DENND1A: variants seen among roughly 807,000 people sequenced by gnomAD.
DENND1A encodes the protein DENN domain-containing protein 1A.
DENND1A carries 51 observed loss-of-function variants against 113.7 expected under a neutral mutation model. That is an observed-to-expected ratio of 0.45 (90% CI 0.36 to 0.57). The LOEUF is 0.57. Ranked by LOEUF, DENND1A falls within the 20% of genes least tolerant of loss-of-function variation. The probability of loss-of-function intolerance (pLI) is 0.00; values close to 1 mark genes in which losing one functional copy is unlikely to be tolerated. For missense variants in DENND1A, 1,258 were observed against 1,395.9 expected (o/e 0.90, Z 1.57); for synonymous variants, 565 against 570.8 (o/e 0.99, Z 0.14).
chr9:123,387,060 CA>C (rs1029294118), intron 22 of DENND1A, among the ~76,000 whole-genome samples: 1 of 152,228 alleles, frequency 6.6e-6, no homozygotes, highest in Non-Finnish European at 1.5e-5. Flanking sequence ...ACCGTGTTAA[CA>C]AGGGCAGACA....
intron 2 of DENND1A, among the ~76,000 whole-genome samples, chr9:123,841,487 C>T (rs896661322): frequency 2.0e-5 from 3 of 152,048 alleles, no homozygotes; most frequent in East Asian, 3.9e-4. Flanking sequence ...TCTGGTCATA[C>T]AGTGGTGAAG....
At chr9:123,769,414 T>C (rs1030955150) in intron 4 of DENND1A, 100 bp downstream of exon 4, 6 of 1,094,708 alleles carry the variant, frequency 5.5e-6, no homozygotes, top group Non-Finnish European at 7.7e-6. Context: ...TCTTAAATCA[T>C]GGTTAAACAG....
intron 5 of DENND1A, among the ~76,000 whole-genome samples, chr9:123,682,218 G>C (rs138479684): frequency 7.2e-5 from 11 of 152,220 alleles, no homozygotes; most frequent in African/African-American, 2.6e-4. Flanking sequence ...CTATAAAAGA[G>C]AAATAAAAAT....
At chr9:123,594,003 C>T (rs771837183) in intron 11 of DENND1A, among the ~76,000 whole-genome samples, 3 of 152,232 alleles carry the variant, frequency 2.0e-5, no homozygotes, top group Non-Finnish European at 4.4e-5. Context: ...CTTCCCCCAT[C>T]GCCTTCTACC....
chr9:123,818,519 TACACACAC>T lies in DENND1A; in HGVS notation c.89-25897_89-25890del, dbSNP rs1215014185. On this transcript the variant is annotated intron_variant, in intron 2 of 23. Coordinates refer to ENST00000394215, the MANE Select transcript of DENND1A (RefSeq NM_001352964.2). Reference sequence around the variant, plus strand: ...ATATTGGCATATATATACATACATATACACACACACACACACACACACACACACACACA... The same window carrying T: ...ATATTGGCATATATATACATACATATACACACACACACACACACACACACA... Among the ~76,000 whole-genome samples the T allele has an allele frequency of 7.6e-3, 858 of 112,214 alleles. 7 individuals are homozygous for T. The highest frequency in any genetic ancestry group is 0.027 in the African/African-American group (681 of 25,072). 73.6% of individuals were successfully genotyped at this position (112,214 alleles called of 152,430 possible).
chr9:123,838,373 TATA>T (rs1202151784), intron 2 of DENND1A, among the ~76,000 whole-genome samples: 1 of 152,146 alleles, frequency 6.6e-6, no homozygotes, highest in East Asian at 1.9e-4. Flanking sequence ...CGTGTATATA[TATA>T]ATATGTATAT....
chr9:123,488,105 T>C (rs747657061), intron 13 of DENND1A, among the ~76,000 whole-genome samples: 43 of 152,342 alleles, frequency 2.8e-4, no homozygotes, highest in Non-Finnish European at 5.4e-4. Context: ...CAGACACCAT[T>C]ACTCATTCAC....
At chr9:123,391,213 T>G (rs10985998) in intron 21 of DENND1A, among the ~76,000 whole-genome samples, 17,615 of 152,224 alleles carry the variant, frequency 0.12, 1,240 homozygotes, top group East Asian at 0.28. Flanking sequence ...CCAGGCTGGT[T>G]GGGCAGTGAT....
intron 13 of DENND1A, among the ~76,000 whole-genome samples, chr9:123,497,589 C>T (rs1017803698): frequency 1.3e-5 from 2 of 152,154 alleles, no homozygotes; most frequent in Non-Finnish European, 2.9e-5. Flanking sequence ...TCCCAAAGTG[C>T]TGGGATAGAA....
intron 1 of DENND1A, among the ~76,000 whole-genome samples, chr9:123,923,019 C>G (rs1050638895): frequency 6.6e-6 from 1 of 152,098 alleles, no homozygotes; most frequent in African/African-American, 2.4e-5. Flanking sequence ...TTTCCATGTC[C>G]CTACAAAGCC....
chr9:123,680,956 G>A (rs2064408176), intron 5 of DENND1A, among the ~76,000 whole-genome samples: 1 of 152,136 alleles, frequency 6.6e-6, no homozygotes, highest in African/African-American at 2.4e-5. Context: ...TCAGGTGAGG[G>A]GAGGAAGCTG....
intron 5 of DENND1A, among the ~76,000 whole-genome samples, chr9:123,715,374 T>G (rs1322561250): frequency 1.3e-5 from 2 of 152,164 alleles, no homozygotes; most frequent in Admixed American, 1.3e-4. Context: ...TCAGATCATC[T>G]TATCAGAGAC....
chr9:123,916,944 C>G (rs982607503), intron 1 of DENND1A, among the ~76,000 whole-genome samples: 3 of 152,064 alleles, frequency 2.0e-5, no homozygotes, highest in African/African-American at 7.2e-5. Context: ...AATCCCAGCA[C>G]TTTGGGAGGC....
chr9:123,830,676 C>A (rs985759729), intron 2 of DENND1A, among the ~76,000 whole-genome samples: 7 of 151,576 alleles, frequency 4.6e-5, no homozygotes, highest in Non-Finnish European at 8.8e-5. Context: ...CCAGCCTGGC[C>A]AACATGGTGA....
intron 13 of DENND1A, among the ~76,000 whole-genome samples, chr9:123,481,683 A>AG (rs1372109849): frequency 6.6e-6 from 1 of 152,012 alleles, no homozygotes; most frequent in Non-Finnish European, 1.5e-5. Context: ...GACTTCCTGG[A>AG]GGGGGAACAC....
intron 13 of DENND1A, among the ~76,000 whole-genome samples, chr9:123,554,108 G>A (rs1409503049): frequency 6.6e-6 from 1 of 152,130 alleles, no homozygotes; most frequent in Non-Finnish European, 1.5e-5. Flanking sequence ...CTTGGGGAGG[G>A]CCTCAGCACA....
intron 11 of DENND1A, among the ~76,000 whole-genome samples, chr9:123,599,563 C>T (rs1040668021): frequency 6.6e-6 from 1 of 152,090 alleles, no homozygotes; most frequent in Admixed American, 6.6e-5. Flanking sequence ...TGGCAGGTGT[C>T]CTCATTTTGC....
intron 21 of DENND1A, among the ~76,000 whole-genome samples, chr9:123,403,197 C>T (rs2043638313): frequency 6.6e-6 from 1 of 152,232 alleles, no homozygotes. Context: ...GCCCGGCTCC[C>T]TGGCCTCTGG....
At position 123,470,862 on chromosome 9, in the gene DENND1A, C is replaced by T. The variant is rs767119279; in HGVS notation, c.994-12965G>A. 4.8e-4 allele frequency among the ~76,000 whole-genome samples: 73 copies of T among 152,274 alleles called. 1 individual carries two copies. Among genetic ancestry groups the T allele is most frequent in the Middle Eastern group, 3.4e-3 (1 of 294 alleles). On this transcript the variant is annotated intron_variant, in intron 13 of 23. Coordinates refer to ENST00000394215, the MANE Select transcript of DENND1A (RefSeq NM_001352964.2). ...CCCTTATTTATTATCACTCCTCCTCCGAACGTCACTCATGCAGGGCTGAGT... is the reference window on the plus strand; with the variant it reads ...CCCTTATTTATTATCACTCCTCCTCTGAACGTCACTCATGCAGGGCTGAGT...
Sources: allele counts gnomAD v4.1 joint callset (sites outside exome capture counted in the v4.1 genomes callset), GRCh38; gene constraint gnomAD v4.1.1; transcripts MANE v1.5; gene names NCBI Gene and HGNC (gene_info 2026-07-23, HGNC 2026-07-21).